Variants in MAP7D3 observed in about 807,000 individuals in gnomAD.
MAP7D3 encodes the protein MAP7 domain containing 3, also known as MAP7 domain-containing protein 3.
A neutral mutation model predicts 62.2 loss-of-function variants in MAP7D3; 45 were observed. The ratio of observed to expected loss-of-function variants is 0.72; its 90% confidence interval spans 0.57 to 0.93. The LOEUF (loss-of-function observed/expected upper bound fraction) is 0.93, where lower values mean the gene tolerates loss of function less well. Ranked by LOEUF, MAP7D3 falls within the 40% of genes least tolerant of loss-of-function variation. MAP7D3 has a pLI of 0.00. For synonymous variants in MAP7D3, 288 were observed against 248.8 expected (o/e 1.16, Z -1.48); for missense variants, 711 against 683.1 (o/e 1.04, Z -0.45).
In MAP7D3 at chrX:136,247,588, CCAT is replaced by C. The variant is rs1280442165; in HGVS notation, c.71-1250_71-1248del. ...ATCACAATTGCTGCCGTAAGGATCA[CCAT>C]TTTTTTTTTTTTTTTTTACCCCAGA... On this transcript the variant is annotated intron_variant, in intron 1 of 18. Transcript: ENST00000316077. Among the ~76,000 whole-genome samples, 15 of 77,961 alleles carry C rather than the reference CCAT, an allele frequency of 1.9e-4. No individual in the cohort carries two copies. The South Asian group carries it at 8.4e-3, about 44-fold the overall frequency. The allele number at this position is 77,961 out of a possible 115,157, so 67.7% of individuals were successfully genotyped here. A position where few individuals can be genotyped will look rare whatever the true frequency, so the allele number is the denominator to read the frequency against.
At chrX:136,236,998 T>C (rs1227874884) in intron 6 of MAP7D3, among the ~76,000 whole-genome samples, 4 of 112,188 alleles carry the variant, frequency 3.6e-5, no homozygotes, top group Non-Finnish European at 7.5e-5. Context: ...ACAAGTTAAA[T>C]AGTTATAACT....
At chrX:136,254,180 G>C (rs1281367244), upstream of MAP7D3, among the ~76,000 whole-genome samples, 1 of 106,728 alleles carries the variant, frequency 9.4e-6, no homozygotes, top group African/African-American at 3.4e-5. Flanking sequence ...CGCCTCCTGG[G>C]TTCAAGCGAT....
At position 136,232,066 on chromosome X, in the gene MAP7D3, T is replaced by A. The variant is rs749937593; in HGVS notation, c.891A>T (p.Thr297=). ...VEESPLEKVE[T]PPKASVDAPP... The stretch of plus-strand genomic sequence containing the variant: ...GTGCATCCACACTTGCCTTGGGAGG[T>A]GTCTCTACTTTCTCCAAGGGAGACT... Residue 297 remains threonine, a synonymous_variant, in exon 8 of 19, where the codon ACA becomes ACT. Transcript: ENST00000316077. 3.3e-6 allele frequency: 4 copies of A among 1,208,947 alleles called. No homozygotes were observed. Among genetic ancestry groups the A allele is most frequent in the Non-Finnish European group, 4.5e-6 (4 of 894,299 alleles).
chrX:136,221,579 C>T (rs1196591674), intron 15 of MAP7D3, among the ~76,000 whole-genome samples: 1 of 112,424 alleles, frequency 8.9e-6, no homozygotes, highest in Non-Finnish European at 1.9e-5. Context: ...CCCACCTCGG[C>T]CTCCCAAAGT....
intron 16 of MAP7D3, 135 bp from the exon 17 acceptor site, chrX:136,219,806 T>C: frequency 1.7e-6 from 1 of 573,587 alleles, no homozygotes; most frequent in South Asian, 2.3e-5. Context: ...TAGAACAGGA[T>C]GACTGAAAGG....
In MAP7D3 at chrX:136,246,150, T is replaced by TAA; in HGVS notation, c.170-4_170-3dup. 3 of 1,042,797 alleles carry TAA rather than the reference T, an allele frequency of 2.9e-6. No individual in the cohort carries two copies. The highest frequency in any genetic ancestry group is 2.6e-6 in the Non-Finnish European group (2 of 770,294). 85.9% of individuals were successfully genotyped at this position (1,042,797 alleles called of 1,213,427 possible). On this transcript the variant is annotated splice_region_variant and splice_polypyrimidine_tract_variant and intron_variant, in intron 2 of 18. Coordinates refer to ENST00000316077, the MANE Select transcript of MAP7D3 (RefSeq NM_024597.4). ...TTTTAAGCATGGATCCATCGATTAC[T>TAA]AAAAAAAAAAGAATATAGTTAGATA...
chrX:136,248,173 G>A (rs903760347), intron 1 of MAP7D3, among the ~76,000 whole-genome samples: 2 of 111,968 alleles, frequency 1.8e-5, no homozygotes, highest in African/African-American at 6.5e-5. Flanking sequence ...TCCAGCCTGG[G>A]CAACCCTGTC....
chrX:136,215,896 G>A (rs1347958235), downstream of MAP7D3, among the ~76,000 whole-genome samples: 2 of 111,470 alleles, frequency 1.8e-5, no homozygotes, highest in Non-Finnish European at 3.8e-5. Flanking sequence ...AGAATTAAAG[G>A]GGCAAGGGGA....
chrX:136,230,110 C>T (rs2074249243), intron 10 of MAP7D3, among the ~76,000 whole-genome samples: 4 of 105,605 alleles, frequency 3.8e-5, no homozygotes, highest in Admixed American at 1.0e-4. Flanking sequence ...GGATTATAGG[C>T]GTGAGCTACC....
At position 136,232,185 on chromosome X, in the gene MAP7D3, T is replaced by C. The variant is rs754424428; in HGVS notation, c.772A>G (p.Thr258Ala). 5 of 1,204,832 alleles carry C rather than the reference T, an allele frequency of 4.1e-6. No individual in the cohort carries two copies. The Admixed American group carries it at 8.7e-5, about 21-fold the overall frequency. Residue 258 changes from threonine (T) to alanine (A), a missense_variant, in exon 8 of 19, where the codon ACT becomes GCT. Thr to Ala is a moderately conservative substitution (Grantham distance 58). Coordinates refer to ENST00000316077, the MANE Select transcript of MAP7D3 (RefSeq NM_024597.4). ...GVTNYVMQYV[T>A]VPLRKCTSDE... ...CTAGTACATTTACGCAAGGGTACAG[T>C]GACATACTGCATTACATAATTGGTG...
chrX:136,225,185 G>A (rs779424942), intron 13 of MAP7D3, among the ~76,000 whole-genome samples: 6 of 112,453 alleles, frequency 5.3e-5, no homozygotes, highest in Non-Finnish European at 9.4e-5. Flanking sequence ...ATATTATTGC[G>A]AACCAATTAG....
chrX:136,240,540 T>A lies in MAP7D3; in HGVS notation c.536-54A>T. ...TCATATTTCAAGGAGGAAAGAATCA[T>A]TAACTGAAAAAAAAATGAGTTTTCA... On this transcript the variant is annotated intron_variant, in intron 5 of 18. Transcript: ENST00000316077. 9 of 822,661 alleles carry A rather than the reference T, an allele frequency of 1.1e-5. No homozygotes were observed. In the Admixed American group the frequency reaches 1.2e-4, roughly 11 times the overall value. 67.8% of individuals were successfully genotyped at this position (822,661 alleles called of 1,213,427 possible). A position where few individuals can be genotyped will look rare whatever the true frequency, so the allele number is the denominator to read the frequency against.
rs376495633 is a variant in MAP7D3 at position 136,222,423 on chromosome X, T to G, written c.2257A>C (p.Lys753Gln). ...GGAAACATTTCATTCAATGAGTCCTTGTCGCTTTCTTCGTTGTCAGCCTCA... is the reference window on the plus strand; with the variant it reads ...GGAAACATTTCATTCAATGAGTCCTGGTCGCTTTCTTCGTTGTCAGCCTCA... Reference protein sequence around the residue: ...EAEADNEESDKDSLNEMFPSA... With the variant: ...EAEADNEESDQDSLNEMFPSA... Residue 753 changes from lysine to glutamine, a missense_variant, in exon 15 of 19, where the codon AAG becomes CAG. By Grantham distance (53) the Lys-to-Gln change is moderately conservative. Coordinates refer to ENST00000316077, the MANE Select transcript of MAP7D3 (RefSeq NM_024597.4). 1 of 1,209,682 alleles carries G rather than the reference T, an allele frequency of 8.3e-7. No individual in the cohort carries two copies. Among genetic ancestry groups the G allele is most frequent in the Admixed American group, 2.2e-5 (1 of 46,010 alleles).
rs757138345 is a variant in MAP7D3, at chrX:136,219,439, A to G, written c.2622T>C (p.Phe874=). 12 of 1,200,825 alleles carry G rather than the reference A, an allele frequency of 1.0e-5. 2 individuals are homozygous for G. In the Admixed American group the frequency reaches 1.5e-4, roughly 15 times the overall value. ...AGGTTTGCTTCTTCTCTTATTGTCT[A>G]AAGGTGTCTGAGGACTTTGGCAAGA... ...HDILPKSSDT[F]RQ Residue 874 remains phenylalanine, a synonymous_variant, in exon 18 of 19, where the codon TTT becomes TTC. Transcript: ENST00000316077.
chrX:136,228,838 A>C, intron 10 of MAP7D3, 80 bp from the exon 11 acceptor site: 1 of 799,131 alleles, frequency 1.3e-6, no homozygotes, highest in Non-Finnish European at 1.7e-6. Context: ...ACAATCCAAA[A>C]CATTAAAATA....
At position 136,218,342 on chromosome X, in the gene MAP7D3, G is replaced by A. The variant is rs1429199306; in HGVS notation, c.*184C>T. 2 of 111,956 alleles carry A rather than the reference G, an allele frequency of 1.8e-5. No individual in the cohort carries two copies. 9.2% of individuals were successfully genotyped at this position (111,956 alleles called of 1,213,427 possible). ...AACATCTGAGATATACATCAAAGTG[G>A]CCTTTTGACAGTTTCTTTCAATTTT... On this transcript the variant is annotated 3_prime_UTR_variant, in exon 19 of 19. Transcript: ENST00000316077.
At chrX:136,255,707 A>T (rs1288252297), upstream of MAP7D3, among the ~76,000 whole-genome samples, 1 of 110,654 alleles carries the variant, frequency 9.0e-6, no homozygotes, top group African/African-American at 3.3e-5. Flanking sequence ...GCCAAAACAG[A>T]CTCAGAGCTG....
rs1233621924 is a variant in MAP7D3, at chrX:136,251,279, G to A, written c.70+10C>T. On this transcript the variant is annotated intron_variant, in intron 1 of 18. Transcript: ENST00000316077. ...CCCGAACCACCCCCGGGAGCCACCC[G>A]CCCGCTCACCCATCCGTGCCCGCAG... is the stretch of plus-strand genomic sequence containing the variant. The A allele has an allele frequency of 8.0e-6, 9 of 1,127,577 alleles. No individual in the cohort carries two copies. The highest frequency in any genetic ancestry group is 1.0e-5 in the Non-Finnish European group (9 of 858,083). The allele number at this position is 1,127,577 out of a possible 1,213,427, so 92.9% of individuals were successfully genotyped here. A position where few individuals can be genotyped will look rare whatever the true frequency, so the allele number is the denominator to read the frequency against.
intron 14 of MAP7D3, among the ~76,000 whole-genome samples, chrX:136,223,447 T>G (rs1032883462): frequency 9.1e-6 from 1 of 110,448 alleles, no homozygotes; most frequent in African/African-American, 3.3e-5. Context: ...ATGATAAATT[T>G]GAACTTGTTA....
Sources: gnomAD v4.1 joint callset for allele counts (sites outside exome capture counted in the v4.1 genomes callset) on GRCh38, gnomAD v4.1.1 for gene constraint, MANE v1.5 for transcripts, NCBI Gene and HGNC (gene_info 2026-07-23, HGNC 2026-07-21) for gene names.